Variants in NKAIN2 observed in about 807,000 individuals in gnomAD.
NKAIN2 encodes the protein sodium/potassium transporting ATPase interacting 2.
Under a neutral mutation model 32.6 loss-of-function variants are expected in NKAIN2, and 14 were observed. The observed-to-expected ratio is 0.43, with a 90% CI of 0.28 to 0.67. NKAIN2 has a LOEUF of 0.67. NKAIN2 is among the 30% of genes least tolerant of loss of function. NKAIN2 has a pLI of 0.17. For synonymous variants in NKAIN2, 80 were observed against 87.2 expected, an observed-to-expected ratio of 0.92 and a Z score of 0.46; for missense variants, 198 against 258.3, an observed-to-expected ratio of 0.77 and a Z score of 1.60.
At chr6:124,139,754 A>T (rs1340126509) in intron 1 of NKAIN2, among the ~76,000 whole-genome samples, 1 of 152,198 alleles carries the variant, frequency 6.6e-6, no homozygotes, top group African/African-American at 2.4e-5. Flanking sequence ...AATCATTTTC[A>T]TGTCATTCTT....
intron 1 of NKAIN2, among the ~76,000 whole-genome samples, chr6:124,060,890 T>C (rs778223784): frequency 9.2e-5 from 14 of 152,114 alleles, no homozygotes; most frequent in Non-Finnish European, 1.9e-4. Flanking sequence ...AAATAAAATG[T>C]CATCCAGCAA....
chr6:124,701,646 T>C (rs562010770), intron 4 of NKAIN2, among the ~76,000 whole-genome samples: 201 of 152,198 alleles, frequency 1.3e-3, no homozygotes, highest in African/African-American at 4.7e-3. Context: ...ACAATAGATA[T>C]AAAGAAAATT....
At chr6:124,660,504 T>A (rs1254376815) in intron 4 of NKAIN2, among the ~76,000 whole-genome samples, 1 of 152,134 alleles carries the variant, frequency 6.6e-6, no homozygotes, top group African/African-American at 2.4e-5. Context: ...GTGGCTAGAG[T>A]GCAAAGAAGA....
At chr6:124,717,964 G>A (rs7759133) in intron 4 of NKAIN2, among the ~76,000 whole-genome samples, 2 of 152,076 alleles carry the variant, frequency 1.3e-5, no homozygotes, top group South Asian at 4.1e-4. Context: ...GAGTTAAATG[G>A]TTTTATCTCT....
intron 1 of NKAIN2, among the ~76,000 whole-genome samples, chr6:123,938,259 A>T (rs1776615866): frequency 6.6e-6 from 1 of 151,194 alleles, no homozygotes; most frequent in Non-Finnish European, 1.5e-5. Flanking sequence ...AAACATACTT[A>T]AAAAGTTATT....
At chr6:123,869,607 C>A (rs940609868) in intron 1 of NKAIN2, among the ~76,000 whole-genome samples, 2 of 152,158 alleles carry the variant, frequency 1.3e-5, no homozygotes, top group African/African-American at 2.4e-5. Context: ...TGAAGTCATT[C>A]AATTGGATTC....
At chr6:124,511,493 T>C (rs1778712509) in intron 3 of NKAIN2, among the ~76,000 whole-genome samples, 1 of 152,144 alleles carries the variant, frequency 6.6e-6, no homozygotes, top group African/African-American at 2.4e-5. Flanking sequence ...CTTTATCGAG[T>C]TTGTCTTCAG....
At chr6:123,955,590 T>TA (rs1777536613) in intron 1 of NKAIN2, among the ~76,000 whole-genome samples, 1 of 136,664 alleles carries the variant, frequency 7.3e-6, no homozygotes, top group Non-Finnish European at 1.6e-5. Flanking sequence ...ATTTAAACAT[T>TA]TTTTATTTTA....
intron 3 of NKAIN2, among the ~76,000 whole-genome samples, chr6:124,360,207 C>T (rs1799216951): frequency 2.6e-5 from 4 of 152,148 alleles, no homozygotes; most frequent in Non-Finnish European, 5.9e-5. Flanking sequence ...CATCGATGTT[C>T]ATCAGGGATA....
intron 3 of NKAIN2, among the ~76,000 whole-genome samples, chr6:124,616,401 C>T (rs1583525983): frequency 9.4e-6 from 1 of 106,442 alleles, no homozygotes. Flanking sequence ...TTGTTTTGTT[C>T]TTATTATTTT....
intron 3 of NKAIN2, among the ~76,000 whole-genome samples, chr6:124,406,013 G>GGTGT (rs59361002): frequency 3.8e-4 from 56 of 148,550 alleles, no homozygotes; most frequent in African/African-American, 1.2e-3. Flanking sequence ...TTACCACCAC[G>GGTGT]GTGTGTGTGT....
chr6:124,644,578 G>T (rs1445498929), intron 3 of NKAIN2, among the ~76,000 whole-genome samples: 4 of 151,952 alleles, frequency 2.6e-5, no homozygotes, highest in African/African-American at 9.7e-5. Context: ...CTAACTTTTT[G>T]TATATTTAGT....
At chr6:124,666,945 C>T (rs1403677750) in intron 4 of NKAIN2, among the ~76,000 whole-genome samples, 1 of 152,006 alleles carries the variant, frequency 6.6e-6, no homozygotes, top group East Asian at 1.9e-4. Flanking sequence ...TTTATTTTCT[C>T]TTTAGCTCAG....
intron 1 of NKAIN2, among the ~76,000 whole-genome samples, chr6:124,184,080 T>G (rs561216998): frequency 6.6e-6 from 1 of 152,234 alleles, no homozygotes; most frequent in Non-Finnish European, 1.5e-5. Flanking sequence ...AGTCATTGTC[T>G]CTTATCTTTT....
chr6:124,329,800 C>G (rs965492145), intron 2 of NKAIN2, among the ~76,000 whole-genome samples: 1 of 152,196 alleles, frequency 6.6e-6, no homozygotes, highest in African/African-American at 2.4e-5. Flanking sequence ...CTGCTGACTT[C>G]CCTCCTTTCT....
At chr6:123,843,041 C>A (rs1221709043) in intron 1 of NKAIN2, among the ~76,000 whole-genome samples, 1 of 152,148 alleles carries the variant, frequency 6.6e-6, no homozygotes, top group Non-Finnish European at 1.5e-5. Context: ...CAGGAATGAA[C>A]CCTGTACCGG....
Position 124,715,286 on chromosome 6 carries a change from C to A in NKAIN2, c.474+56900C>A, listed in dbSNP as rs186411300. ...CTTGAGAGATCTTGTGGCTTGCCAT[C>A]CCAAACATGATGCTTGACCACATAT... On this transcript the variant is annotated intron_variant, in intron 4 of 6. Coordinates refer to ENST00000368417, the MANE Select transcript of NKAIN2 (RefSeq NM_001040214.3). 6.8e-3 allele frequency among the ~76,000 whole-genome samples: 1,036 copies of A among 152,266 alleles called. 35 individuals carry two copies. Among genetic ancestry groups the A allele is most frequent in the Admixed American group, 0.063 (958 of 15,292 alleles).
chr6:124,378,054 C>A (rs1800066923), intron 3 of NKAIN2, among the ~76,000 whole-genome samples: 1 of 152,074 alleles, frequency 6.6e-6, no homozygotes, highest in South Asian at 2.1e-4. Context: ...AGTGAAATTT[C>A]CAGTCCCTGT....
intron 5 of NKAIN2, among the ~76,000 whole-genome samples, chr6:124,793,913 A>C (rs780326356): frequency 6.6e-6 from 1 of 152,180 alleles, no homozygotes; most frequent in Non-Finnish European, 1.5e-5. Context: ...CCCGGGGAGA[A>C]TACCACATGC....
Sources: allele counts gnomAD v4.1 joint callset (sites outside exome capture counted in the v4.1 genomes callset), GRCh38; gene constraint gnomAD v4.1.1; transcripts MANE v1.5; gene names NCBI Gene and HGNC (gene_info 2026-07-23, HGNC 2026-07-21).